The following XPO4 variants were observed in gnomAD, a reference collection of about 807,000 sequenced individuals.
XPO4 encodes exportin-4.
Under a neutral mutation model 143.0 loss-of-function variants are expected in XPO4, and 39 were observed. The ratio of observed to expected loss-of-function variants is 0.27; its 90% confidence interval spans 0.21 to 0.36. The LOEUF is 0.36. Among genes scored for constraint, XPO4 ranks in the 10% least tolerant of loss-of-function variants. XPO4 has a pLI of 1.00. For synonymous variants in XPO4, 439 were observed against 474.0 expected (o/e 0.93, Z 0.96); for missense variants, 907 against 1,348.0 (o/e 0.67, Z 5.12).
At chr13:20,805,450 T>C (rs528326565) in intron 13 of XPO4, among the ~76,000 whole-genome samples, 87 of 152,310 alleles carry the variant, frequency 5.7e-4, no homozygotes, top group Non-Finnish European at 1.1e-3. Flanking sequence ...CACCACGGCA[T>C]TCTTGCTGTT....
intron 1 of XPO4, among the ~76,000 whole-genome samples, chr13:20,885,443 C>G (rs991544375): frequency 3.3e-5 from 5 of 151,274 alleles, no homozygotes; most frequent in Non-Finnish European, 5.9e-5. Context: ...TAAAAGAAGG[C>G]AAGAAAGAAA....
intron 1 of XPO4, chr13:20,902,418 A>G: frequency 1.0e-6 from 1 of 985,352 alleles, no homozygotes; most frequent in Non-Finnish European, 1.2e-6. Context: ...TCTTTGCTAC[A>G]CCACTATATT....
At chr13:20,870,258 G>A (rs113101138) in intron 1 of XPO4, among the ~76,000 whole-genome samples, 64 of 148,400 alleles carry the variant, frequency 4.3e-4, no homozygotes, top group Non-Finnish European at 3.4e-4. Context: ...TGAAACCCCC[G>A]TCTCTACTAA....
At position 20,800,191 on chromosome 13, in the gene XPO4, C is replaced by T; in HGVS notation, c.2112G>A (p.Val704=). 1 of 1,614,154 alleles carries T rather than the reference C, an allele frequency of 6.2e-7. No individual in the cohort carries two copies. Residue 704 remains valine (V), a synonymous_variant, in exon 15 of 23, where the codon GTG becomes GTA. Coordinates refer to ENST00000255305, the MANE Select transcript of XPO4 (RefSeq NM_022459.5). The stretch of plus-strand genomic sequence containing the variant: ...TTTCCACCAAAGTGACAAGGAGCTG[C>T]ACAGTGTCATTTGCAAGGTCCTGCT... The part of the protein sequence containing the change: ...SSEQDLANDT[V]QLLVTLVERR...
chr13:20,787,962 C>A (rs1465142112), intron 20 of XPO4, among the ~76,000 whole-genome samples: 1 of 152,050 alleles, frequency 6.6e-6, no homozygotes, highest in African/African-American at 2.4e-5. Flanking sequence ...GACTGAATGC[C>A]TCAGAGATCT....
intron 6 of XPO4, among the ~76,000 whole-genome samples, chr13:20,830,277 T>C (rs959511716): frequency 2.0e-5 from 3 of 152,120 alleles, no homozygotes; most frequent in African/African-American, 7.2e-5. Flanking sequence ...TATCAGAAAA[T>C]ACCTTTCCCC....
intron 2 of XPO4, among the ~76,000 whole-genome samples, chr13:20,865,183 G>A (rs2060234658): frequency 6.7e-6 from 1 of 149,868 alleles, no homozygotes; most frequent in African/African-American, 2.5e-5. Flanking sequence ...TTGTTACTGA[G>A]ACTAGAATGC....
At chr13:20,787,136 G>T in intron 21 of XPO4, 79 bp from the exon 22 acceptor site, 1 of 1,187,456 alleles carries the variant, frequency 8.4e-7, no homozygotes, top group African/African-American at 1.6e-5. Flanking sequence ...CAAAAAAGAA[G>T]AAGAGAGGGT....
chr13:20,847,289 C>G (rs1027559648), intron 4 of XPO4, among the ~76,000 whole-genome samples: 1 of 152,140 alleles, frequency 6.6e-6, no homozygotes, highest in Non-Finnish European at 1.5e-5. Flanking sequence ...GTCTAGGACT[C>G]ACTTCTAAAT....
Position 20,822,172 on chromosome 13 carries a change from G to A in XPO4, c.958C>T (p.Leu320=). Residue 320 remains leucine, a synonymous_variant, in exon 8 of 23, where the codon CTA becomes TTA. Transcript: ENST00000255305. ...FPDEGSQVDY[L]AHFIEGLLNT... ...AGTAATCCCTCAATGAAGTGTGCTA[G>A]ATAATCAACTTGTGATCCTTCATCT... is the stretch of plus-strand genomic sequence containing the variant. 1 of 1,613,978 alleles carries A rather than the reference G, an allele frequency of 6.2e-7. No individual in the cohort carries two copies. Among genetic ancestry groups the A allele is most frequent in the South Asian group, 1.1e-5 (1 of 91,058 alleles).
intron 1 of XPO4, among the ~76,000 whole-genome samples, chr13:20,882,305 C>T (rs1002618767): frequency 6.6e-6 from 1 of 151,558 alleles, no homozygotes; most frequent in Admixed American, 6.6e-5. Context: ...GCAAGCCATA[C>T]ACACGGTACC....
chr13:20,801,404 T>C (rs2059431033), intron 13 of XPO4, among the ~76,000 whole-genome samples: 1 of 152,230 alleles, frequency 6.6e-6, no homozygotes, highest in South Asian at 2.1e-4. Flanking sequence ...GTATAGTTTG[T>C]GTTTTTATAT....
chr13:20,839,369 A>C (rs2059950753), intron 6 of XPO4, among the ~76,000 whole-genome samples: 1 of 152,176 alleles, frequency 6.6e-6, no homozygotes, highest in Non-Finnish European at 1.5e-5. Flanking sequence ...CGGACTGGGG[A>C]AGGTGGAAAT....
intron 16 of XPO4, among the ~76,000 whole-genome samples, chr13:20,798,447 A>C (rs1275557840): frequency 6.6e-6 from 1 of 152,158 alleles, no homozygotes. Flanking sequence ...GGAGAAAACA[A>C]ATTTCTGTTG....
intron 2 of XPO4, among the ~76,000 whole-genome samples, chr13:20,865,139 AT>A (rs35116814): frequency 0.22 from 31,361 of 142,192 alleles, 3,685 homozygotes; most frequent in African/African-American, 0.35. Context: ...TTCATCTAGC[AT>A]TTTTTTTTTT....
intron 2 of XPO4, among the ~76,000 whole-genome samples, chr13:20,867,554 T>C (rs924371980): frequency 6.6e-6 from 1 of 152,234 alleles, no homozygotes; most frequent in African/African-American, 2.4e-5. Context: ...GGAGGTGAAC[T>C]GACTTCCTCA....
chr13:20,834,069 CT>C (rs1023179262), intron 6 of XPO4, among the ~76,000 whole-genome samples: 2 of 152,142 alleles, frequency 1.3e-5, no homozygotes, highest in African/African-American at 4.8e-5. Context: ...GGAATTCGCT[CT>C]CTGGGCCACA....
In XPO4 at chr13:20,815,335, G is replaced by A. The variant is rs139616545; in HGVS notation, c.1174-5368C>T. 7.8e-4 allele frequency among the ~76,000 whole-genome samples: 119 copies of A among 152,288 alleles called. 1 individual carries two copies. The highest frequency in any genetic ancestry group is 2.8e-3 in the African/African-American group (118 of 41,566). ...CTCTGGATGGCGATGATGTGTCAAT[G>A]TCGTTTCATCAGCTGTAACAATGTA... On this transcript the variant is annotated intron_variant, in intron 9 of 22. Coordinates refer to ENST00000255305, the MANE Select transcript of XPO4 (RefSeq NM_022459.5).
rs917549024 is a variant in XPO4 at position 20,803,589 on chromosome 13, T to C, written c.1818-2599A>G. On this transcript the variant is annotated intron_variant, in intron 13 of 22. Coordinates refer to ENST00000255305, the MANE Select transcript of XPO4 (RefSeq NM_022459.5). This position sits in a 1 kb window ranked among gnomAD's most constrained non-coding sequence, Gnocchi z 4.1. ...TGTCACCCTTTAAATTTATCACCCA[T>C]GGAATAGTATCTCTAAAATATTTTG... Among the ~76,000 whole-genome samples the C allele has an allele frequency of 2.0e-5, 3 of 152,170 alleles. No homozygotes were observed. Among genetic ancestry groups the C allele is most frequent in the African/African-American group, 7.2e-5 (3 of 41,446 alleles).
Sources: allele counts gnomAD v4.1 joint callset (sites outside exome capture counted in the v4.1 genomes callset), GRCh38; gene constraint gnomAD v4.1.1; non-coding constraint Gnocchi (gnomAD v3.1); transcripts MANE v1.5; gene names NCBI Gene and HGNC (gene_info 2026-07-23, HGNC 2026-07-21).